DENND4C: variants seen among roughly 807,000 people sequenced by gnomAD.
The protein encoded by DENND4C is DENN domain-containing protein 4C.
A neutral mutation model predicts 203.0 loss-of-function variants in DENND4C; 108 were observed. That is an observed-to-expected ratio of 0.53 (90% confidence interval 0.46 to 0.62). The LOEUF (loss-of-function observed/expected upper bound fraction) is 0.62. DENND4C is among the 20% of genes least tolerant of loss of function. The pLI is 0.00. For missense variants in DENND4C, 2,481 were observed against 2,301.2 expected (o/e 1.08, Z -1.60); for synonymous variants, 871 against 792.4 (o/e 1.10, Z -1.67).
intron 1 of DENND4C, among the ~76,000 whole-genome samples, chr9:19,275,162 G>C (rs1005181740): frequency 6.6e-6 from 1 of 150,630 alleles, no homozygotes; most frequent in African/African-American, 2.4e-5. Flanking sequence ...ATTTTTAGTA[G>C]AGACAGGGTT....
chr9:19,278,493 G>T (rs2175380), intron 2 of DENND4C, among the ~76,000 whole-genome samples: 35,984 of 151,880 alleles, frequency 0.24, 4,428 homozygotes, highest in East Asian at 0.44. Context: ...CACTTGTTAC[G>T]CTCATCACCC....
At chr9:19,334,519 T>C (rs561074799) in intron 17 of DENND4C, among the ~76,000 whole-genome samples, 1 of 145,582 alleles carries the variant, frequency 6.9e-6, no homozygotes, top group South Asian at 2.2e-4. Context: ...GTTTTTGGGT[T>C]TTTTTTTTTT....
chr9:19,366,203 C>T (rs970371256), intron 30 of DENND4C, among the ~76,000 whole-genome samples: 2 of 152,120 alleles, frequency 1.3e-5, no homozygotes, highest in African/African-American at 4.8e-5. Context: ...AAGTAAAATA[C>T]TGGTGTAAAA....
At chr9:19,284,369 T>A (rs1420631984) in intron 2 of DENND4C, among the ~76,000 whole-genome samples, 1 of 152,206 alleles carries the variant, frequency 6.6e-6, no homozygotes, top group Non-Finnish European at 1.5e-5. Context: ...CCTCTACTGA[T>A]GGACATTTGG....
chr9:19,276,453 A>G lies in DENND4C; in HGVS notation c.279A>G (p.Arg93=). Residue 93 remains arginine (R), a synonymous_variant, in exon 2 of 33, where the codon AGA becomes AGG. Coordinates refer to ENST00000434457, the MANE Select transcript of DENND4C (RefSeq NM_001330640.2). ...TTTTCCTCTGTTATAAGAGAGGGAG[A>G]GATAAACCACCGCTTACAGATATTG... ...PELFLCYKRG[R]DKPPLTDIGV... The G allele has an allele frequency of 8.1e-7, 1 of 1,232,122 alleles. No homozygotes were observed. The highest frequency in any genetic ancestry group is 1.0e-6 in the Non-Finnish European group (1 of 987,948). The allele number at this position is 1,232,122 out of a possible 1,614,324, so 76.3% of individuals were successfully genotyped here. A position where few individuals can be genotyped will look rare whatever the true frequency, so the allele number is the denominator to read the frequency against.
At chr9:19,287,836 G>A (rs1372878193) in intron 3 of DENND4C, among the ~76,000 whole-genome samples, 3 of 152,234 alleles carry the variant, frequency 2.0e-5, no homozygotes, top group East Asian at 1.9e-4. Flanking sequence ...AGGTTCAAGC[G>A]ATTCTCCTGT....
In DENND4C at chr9:19,373,550, G is replaced by A. The variant is rs983178023; in HGVS notation, c.*1377G>A. The A allele has an allele frequency of 2.6e-5, 4 of 152,526 alleles. No individual in the cohort carries two copies. The highest frequency in any genetic ancestry group is 2.1e-4 in the South Asian group (1 of 4,820). The allele number at this position is 152,526 out of a possible 1,614,324, so 9.4% of individuals were successfully genotyped here. ...GTAAAAATGTGCATTTGTAAATACT[G>A]TGTTTTTAGGTTGAATCAATTAAGT... On this transcript the variant is annotated 3_prime_UTR_variant, in exon 33 of 33. Coordinates refer to ENST00000434457, the MANE Select transcript of DENND4C (RefSeq NM_001330640.2).
At chr9:19,271,758 G>T (rs550976800) in intron 1 of DENND4C, among the ~76,000 whole-genome samples, 47 of 151,742 alleles carry the variant, frequency 3.1e-4, no homozygotes, top group South Asian at 6.3e-4. Flanking sequence ...CCAGCTACTC[G>T]GGAGGCTGAG....
At chr9:19,249,997 T>C (rs971204221) in intron 1 of DENND4C, among the ~76,000 whole-genome samples, 1 of 152,206 alleles carries the variant, frequency 6.6e-6, no homozygotes, top group African/African-American at 2.4e-5. Context: ...GTCAAAATAC[T>C]GTCTTCAAAA....
intron 4 of DENND4C, 107 bp downstream of exon 4, chr9:19,288,772 T>A: frequency 3.8e-6 from 2 of 528,776 alleles, no homozygotes; most frequent in Non-Finnish European, 5.8e-6. Flanking sequence ...GTAGAATTGA[T>A]CTATTCATAA....
chr9:19,308,859 G>A (rs1840204894), intron 10 of DENND4C, among the ~76,000 whole-genome samples: 1 of 152,060 alleles, frequency 6.6e-6, no homozygotes, highest in Admixed American at 6.5e-5. Flanking sequence ...ATATGTATCT[G>A]GGCTAATTCT....
chr9:19,300,060 T>C, intron 8 of DENND4C, 127 bp from the exon 9 acceptor site: 3 of 964,162 alleles, frequency 3.1e-6, no homozygotes, highest in Non-Finnish European at 4.3e-6. Context: ...CTACTTTTCA[T>C]TGATAAATAA....
At position 19,346,104 on chromosome 9, in the gene DENND4C, A is replaced by C; in HGVS notation, c.3335A>C (p.Asp1112Ala). The C allele has an allele frequency of 6.2e-7, 1 of 1,614,220 alleles. No individual in the cohort carries two copies. Among genetic ancestry groups the C allele is most frequent in the Non-Finnish European group, 8.5e-7 (1 of 1,180,036 alleles). ...ATGTTGCTTAAGAAGAGTAGTTTGG[A>C]TTCGAATTCAAGTGAAATGGCTATC... ...AGMLLKKSSL[D>A]SNSSEMAIMM... The change falls in exon 23 of 33, where the codon GAT becomes GCT. Residue 1112 changes from aspartate to alanine, a missense_variant. Asp to Ala is a moderately radical substitution (Grantham distance 126). Transcript: ENST00000434457.
At position 19,282,715 on chromosome 9, in the gene DENND4C, C is replaced by CTCTTT. The variant is rs758751945; in HGVS notation, c.306-4053_306-4052insCTTTT. 1.4e-3 allele frequency among the ~76,000 whole-genome samples: 123 copies of CTCTTT among 86,668 alleles called. 8 individuals are homozygous for CTCTTT. The highest frequency in any genetic ancestry group is 2.2e-3 in the Non-Finnish European group (105 of 47,272). 56.9% of individuals were successfully genotyped at this position (86,668 alleles called of 152,430 possible). A position where few individuals can be genotyped will look rare whatever the true frequency, so the allele number is the denominator to read the frequency against. ...TTTTCTTTTTCTTTTTTTCTTCTCT[C>CTCTTT]TTTTTTTTTTTTTTTTTTTGAGACA... On this transcript the variant is annotated intron_variant, in intron 2 of 32. Transcript: ENST00000434457.
At chr9:19,275,087 C>T (rs1588813019) in intron 1 of DENND4C, among the ~76,000 whole-genome samples, 1 of 151,912 alleles carries the variant, frequency 6.6e-6, no homozygotes, top group Admixed American at 6.6e-5. Flanking sequence ...AAGCGATTCT[C>T]CTGCCTCAGC....
At chr9:19,315,105 A>G (rs1016435119) in intron 10 of DENND4C, among the ~76,000 whole-genome samples, 1 of 146,336 alleles carries the variant, frequency 6.8e-6, no homozygotes, top group African/African-American at 2.5e-5. Context: ...GGTTGCAGTG[A>G]GCTGAGATCG....
chr9:19,248,324 C>G lies in DENND4C; in HGVS notation c.-18+17491C>G, dbSNP rs576031659. Among the ~76,000 whole-genome samples the G allele has an allele frequency of 4.0e-4, 61 of 152,224 alleles. No homozygotes were observed. The South Asian group carries it at 0.012, about 30-fold the overall frequency. Reference sequence around the variant, plus strand: ...TGACTTTTTTCCTGCCTGGAATGTTCTTCCTTTATTGTCATATGATTTGCT... The same window carrying G: ...TGACTTTTTTCCTGCCTGGAATGTTGTTCCTTTATTGTCATATGATTTGCT... On this transcript the variant is annotated intron_variant, in intron 1 of 32. Coordinates refer to ENST00000434457, the MANE Select transcript of DENND4C (RefSeq NM_001330640.2).
chr9:19,326,297 T>C (rs913251296), intron 15 of DENND4C, 103 bp downstream of exon 15: 8 of 1,267,854 alleles, frequency 6.3e-6, no homozygotes, highest in Non-Finnish European at 8.5e-6. Context: ...TCATTTTCAG[T>C]ATTAGTTCAG....
intron 6 of DENND4C, among the ~76,000 whole-genome samples, chr9:19,297,578 G>A (rs370541862): frequency 4.6e-4 from 70 of 152,174 alleles, no homozygotes; most frequent in African/African-American, 1.6e-3. Context: ...AATATGTTGC[G>A]TTTTTATGGC....
Sources: allele counts gnomAD v4.1 joint callset (sites outside exome capture counted in the v4.1 genomes callset), GRCh38; gene constraint gnomAD v4.1.1; transcripts MANE v1.5; gene names NCBI Gene and HGNC (gene_info 2026-07-23, HGNC 2026-07-21).